INTS11: variants seen among roughly 807,000 people sequenced by gnomAD.
INTS11 encodes the protein CPSF3-like protein.
Under a neutral mutation model 78.6 loss-of-function variants are expected in INTS11, and 77 were observed. The observed-to-expected ratio is 0.98, with a 90% CI of 0.81 to 1.18. The LOEUF (loss-of-function observed/expected upper bound fraction) is 1.18. INTS11 is among the 50% of genes most tolerant of loss of function. The probability of loss-of-function intolerance (pLI) is 0.00; values close to 1 mark genes in which losing one functional copy is unlikely to be tolerated. For missense variants in INTS11, 875 were observed against 825.9 expected (o/e 1.06, Z -0.73); for synonymous variants, 441 against 326.9 (o/e 1.35, Z -3.77).
Position 1,312,213 on chromosome 1 carries a change from G to GGGGGGCCCCCGCCCCCCCCC in INTS11, c.1607+12_1607+13insGGGGGGGGGCGGGGGCCCCC. 1.1e-6 allele frequency: 1 copy of GGGGGGCCCCCGCCCCCCCCC among 934,626 alleles called. No individual in the cohort carries two copies. Among genetic ancestry groups the GGGGGGCCCCCGCCCCCCCCC allele is most frequent in the Non-Finnish European group, 1.6e-6 (1 of 636,674 alleles). The allele number at this position is 934,626 out of a possible 1,614,324, so 57.9% of individuals were successfully genotyped here. On this transcript the variant is annotated intron_variant, in intron 15 of 16. Coordinates refer to ENST00000435064, the MANE Select transcript of INTS11 (RefSeq NM_017871.6). ...CCCAAGGGAGTGGGGGGGGGGCGGGGCCGGGCGCCCACCTCTTGAGGTGGC... is the reference window on the plus strand; with the variant it reads ...CCCAAGGGAGTGGGGGGGGGGCGGGGGGGGGCCCCCGCCCCCCCCCCCGGGCGCCCACCTCTTGAGGTGGC...
intron 4 of INTS11, chr1:1,318,523 T>C (rs1642748364): frequency 5.0e-6 from 1 of 198,504 alleles, no homozygotes; most frequent in African/African-American, 2.3e-5. Flanking sequence ...GCTGGGCGTA[T>C]GGGCACATGC....
At position 1,320,560 on chromosome 1, in the gene INTS11, C is replaced by T. The variant is rs764002376; in HGVS notation, c.127-31G>A. The T allele has an allele frequency of 6.2e-6, 10 of 1,610,124 alleles. No individual in the cohort carries two copies. In the South Asian group the frequency reaches 1.1e-4, roughly 18 times the overall value. On this transcript the variant is annotated intron_variant, in intron 2 of 16. Transcript: ENST00000435064. Reference sequence around the variant, plus strand: ...AAGGATGTGGGGGTTTCAGGTTGCACAGTGGTCTCCAGGCAGCATCTGGGG... The same window carrying T: ...AAGGATGTGGGGGTTTCAGGTTGCATAGTGGTCTCCAGGCAGCATCTGGGG...
chr1:1,313,837 G>A lies in INTS11; in HGVS notation c.852C>T (p.Pro284=). 6 of 1,613,424 alleles carry A rather than the reference G, an allele frequency of 3.7e-6. No individual in the cohort carries two copies. Among genetic ancestry groups the A allele is most frequent in the Admixed American group, 3.3e-5 (2 of 60,022 alleles). The stretch of plus-strand genomic sequence containing the variant: ...TCTTGCGGATCTTCTGGTTGGTCCA[G>A]GGGATGAACAGCTTGTAGTAGTGGT... The part of the protein sequence containing the change: ...KANHYYKLFI[P]WTNQKIRKTF... Residue 284 remains proline (P), a synonymous_variant, in exon 9 of 17, where the codon CCC becomes CCT. Transcript: ENST00000435064.
chr1:1,320,899 G>T, intron 2 of INTS11, 97 bp downstream of exon 2: 1 of 1,117,742 alleles, frequency 8.9e-7, no homozygotes, highest in Non-Finnish European at 1.4e-6. Context: ...CACAACCACT[G>T]CTGCCCACCA....
chr1:1,313,627 G>A (rs375843422), intron 9 of INTS11, 35 bp from the exon 10 acceptor site: 52 of 1,611,864 alleles, frequency 3.2e-5, no homozygotes, highest in Non-Finnish European at 4.2e-5. Flanking sequence ...GGGGGTCAGG[G>A]CAGCAGATGC....
At chr1:1,320,797 C>T in intron 2 of INTS11, 199 bp downstream of exon 2, 1 of 718,146 alleles carries the variant, frequency 1.4e-6, no homozygotes, top group Non-Finnish European at 2.5e-6. Context: ...GGGGCTGGGG[C>T]TCAGCGCCAG....
chr1:1,317,404 A>AG, intron 4 of INTS11: 2 of 903,488 alleles, frequency 2.2e-6, no homozygotes, highest in Non-Finnish European at 2.6e-6. Flanking sequence ...TCAAAAAAAA[A>AG]AGAAAAAAAA....
At chr1:1,320,381 G>A (rs1642873778) in intron 3 of INTS11, 75 bp downstream of exon 3, 2 of 1,444,354 alleles carry the variant, frequency 1.4e-6, no homozygotes, top group Non-Finnish European at 1.9e-6. Flanking sequence ...GCCAAACGCT[G>A]CCGAGACCAA....
chr1:1,314,844 T>G lies in INTS11; in HGVS notation c.682A>C (p.Thr228Pro). The G allele has an allele frequency of 6.2e-7, 1 of 1,612,398 alleles. No individual in the cohort carries two copies. The highest frequency in any genetic ancestry group is 1.7e-4 in the Middle Eastern group (1 of 6,058). The change falls in exon 7 of 17, where the codon ACC becomes CCC. Residue 228 changes from threonine (T) to proline (P), a missense_variant. Coordinates refer to ENST00000435064, the MANE Select transcript of INTS11 (RefSeq NM_017871.6). This position sits in a 1 kb window ranked among gnomAD's most constrained non-coding sequence, Gnocchi z 4.2. ...ERDFLKKVHE[T>P]VERGGKVLIP... ...GCTACCTTCCCACCACGCTCCACGG[T>G]CTCGTGGACTTTCTTCAGGAAGTCT...
chr1:1,312,198 T>TCGGG, intron 15 of INTS11, 28 bp downstream of exon 15: 11 of 1,078,592 alleles, frequency 1.0e-5, no homozygotes, highest in Non-Finnish European at 1.4e-5. Flanking sequence ...CCCAAGGGAG[T>TCGGG]GGGGGGGGGG....
chr1:1,323,745 T>A (rs1391656552), intron 1 of INTS11, among the ~76,000 whole-genome samples: 2 of 149,342 alleles, frequency 1.3e-5, no homozygotes, highest in African/African-American at 5.0e-5. Context: ...TTTGCGTTTT[T>A]TGCTATTTTT....
Position 1,312,440 on chromosome 1 carries a change from G to T in INTS11, c.1464C>A (p.Ser488Arg). 6.4e-7 allele frequency: 1 copy of T among 1,568,100 alleles called. No homozygotes were observed. The highest frequency in any genetic ancestry group is 8.6e-7 in the Non-Finnish European group (1 of 1,157,030). ...LLHGTLIMKD[S>R]NFRLVSSEQA... Reference sequence around the variant, plus strand: ...CTCCAGAGACCGTCCTGGCACTCACGCTGTCCTTCATGATCAGGGTGCCGT... The same window carrying T: ...CTCCAGAGACCGTCCTGGCACTCACTCTGTCCTTCATGATCAGGGTGCCGT... Residue 488 changes from serine to arginine, a missense_variant and splice_region_variant, in exon 14 of 17, where the codon AGC becomes AGA. Transcript: ENST00000435064.
Position 1,314,148 on chromosome 1 carries a change from C to T in INTS11, c.767+153G>A. 3.6e-6 allele frequency: 3 copies of T among 830,272 alleles called. No individual in the cohort carries two copies. The highest frequency in any genetic ancestry group is 5.9e-6 in the Non-Finnish European group (3 of 504,994). 51.4% of individuals were successfully genotyped at this position (830,272 alleles called of 1,614,324 possible). ...GGTGGCGCTGACGGGATGTCACAGG[C>T]TTCCTGGGGTCACACAGCACACGAG... On this transcript the variant is annotated intron_variant, in intron 8 of 16. Transcript: ENST00000435064. The surrounding 1 kb of genome is among the most constrained non-coding windows in gnomAD (Gnocchi z 4.2).
chr1:1,317,840 G>C (rs756055348), intron 4 of INTS11: 2 of 152,134 alleles, frequency 1.3e-5, no homozygotes, highest in Non-Finnish European at 2.9e-5. Context: ...CGAGGATAAA[G>C]TAAATCCATT....
rs779947357 is a variant in INTS11 at position 1,319,278 on chromosome 1, T to C, written c.429+18A>G. 2.2e-5 allele frequency: 35 copies of C among 1,594,452 alleles called. No individual in the cohort carries two copies. In the Admixed American group the frequency reaches 2.5e-4, roughly 11 times the overall value. ...GGGTGGGCAGTGACTGTGCCAGCTG[T>C]GGCCCTGGGAACCTGACCTGGACCG... On this transcript the variant is annotated intron_variant, in intron 4 of 16. Coordinates refer to ENST00000435064, the MANE Select transcript of INTS11 (RefSeq NM_017871.6).
In INTS11 at chr1:1,314,697, C is replaced by T. The variant is rs1642469232; in HGVS notation, c.702+127G>A. 8.7e-7 allele frequency: 1 copy of T among 1,154,380 alleles called. No individual in the cohort carries two copies. The allele number at this position is 1,154,380 out of a possible 1,614,324, so 71.5% of individuals were successfully genotyped here. On this transcript the variant is annotated intron_variant, in intron 7 of 16. Transcript: ENST00000435064. This position sits in a 1 kb window ranked among gnomAD's most constrained non-coding sequence, Gnocchi z 4.2. ...CCTCAATGTTGAGCAAATCTTCTTCCCTCCCTGCCTGAAAATGCAGTACCC... is the reference window on the plus strand; with the variant it reads ...CCTCAATGTTGAGCAAATCTTCTTCTCTCCCTGCCTGAAAATGCAGTACCC...
Position 1,315,638 on chromosome 1 carries a change from G to T in INTS11, c.430-20C>A. On this transcript the variant is annotated intron_variant, in intron 4 of 16. Transcript: ENST00000435064. ...ATCTACCTGTGGAGGACAGGGCTGC[G>T]CTCAGGCTGTGTCCTCACAGCAGAG... 1 of 1,590,084 alleles carries T rather than the reference G, an allele frequency of 6.3e-7. No homozygotes were observed.
In INTS11 at chr1:1,314,714, GCAGTACCCCCCAC is replaced by G; in HGVS notation, c.702+97_702+109del. ...TCTTCTTCCCTCCCTGCCTGAAAAT[GCAGTACCCCCCAC>G]CCTGAGACCCTGACCCATGCCAAGG... On this transcript the variant is annotated intron_variant, in intron 7 of 16. Coordinates refer to ENST00000435064, the MANE Select transcript of INTS11 (RefSeq NM_017871.6). The surrounding 1 kb of genome is among the most constrained non-coding windows in gnomAD (Gnocchi z 4.2). 7.8e-7 allele frequency: 1 copy of G among 1,276,044 alleles called. No individual in the cohort carries two copies. Among genetic ancestry groups the G allele is most frequent in the Non-Finnish European group, 1.1e-6 (1 of 913,800 alleles). The allele number at this position is 1,276,044 out of a possible 1,614,324, so 79.0% of individuals were successfully genotyped here.
At chr1:1,319,039 C>T (rs1433040942) in intron 4 of INTS11, 10 of 716,944 alleles carry the variant, frequency 1.4e-5, no homozygotes, top group Non-Finnish European at 2.6e-5. Flanking sequence ...GCCGCTCGGA[C>T]AGAGCCTGGT....
Sources: allele counts gnomAD v4.1 joint callset (sites outside exome capture counted in the v4.1 genomes callset), GRCh38; gene constraint gnomAD v4.1.1; non-coding constraint Gnocchi (gnomAD v3.1); transcripts MANE v1.5; gene names NCBI Gene and HGNC (gene_info 2026-07-23, HGNC 2026-07-21).